The following PLXNB2 variants were observed in gnomAD, a reference collection of about 807,000 sequenced individuals.
The protein encoded by PLXNB2 is plexin B2, also known as plexin-B2.
In PLXNB2, 85 loss-of-function variants were observed where a neutral mutation model predicts 202.6. The observed-to-expected ratio is 0.42, with a 90% CI of 0.35 to 0.50. The LOEUF (loss-of-function observed/expected upper bound fraction) is 0.50. Ranked by LOEUF, PLXNB2 falls within the 20% of genes least tolerant of loss-of-function variation. The pLI is 0.02. For synonymous variants in PLXNB2, 1,239 were observed against 1,137.6 expected, an observed-to-expected ratio of 1.09 and a Z score of -1.79; for missense variants, 2,063 against 2,586.2, an observed-to-expected ratio of 0.80 and a Z score of 4.39.
chr22:50,286,379 G>T, intron 8 of PLXNB2, 92 bp from the exon 9 acceptor site: 1 of 867,606 alleles, frequency 1.2e-6, no homozygotes, highest in Non-Finnish European at 1.9e-6. Flanking sequence ...TGGGGCCAAG[G>T]TGGAGACCCC....
At chr22:50,279,896 G>T in intron 26 of PLXNB2, 109 bp downstream of exon 26, 3 of 1,417,164 alleles carry the variant, frequency 2.1e-6, no homozygotes, top group Non-Finnish European at 2.9e-6. Flanking sequence ...AAGCAAACCT[G>T]TCCAGGCAGG....
intron 2 of PLXNB2, 84 bp downstream of exon 2, chr22:50,294,624 GCCTTGCAGACA>G (rs2067128668): frequency 2.5e-6 from 1 of 396,628 alleles, no homozygotes; most frequent in African/African-American, 2.2e-5. Context: ...GCTGGACAGA[GCCTTGCAGACA>G]CCACATGGCA....
intron 1 of PLXNB2, among the ~76,000 whole-genome samples, chr22:50,296,944 G>C (rs2067320534): frequency 6.6e-6 from 1 of 152,230 alleles, no homozygotes; most frequent in Non-Finnish European, 1.5e-5. Flanking sequence ...TGCTGCACAG[G>C]TAAGGGTTAA....
chr22:50,300,572 A>G (rs983077248), intron 1 of PLXNB2, among the ~76,000 whole-genome samples: 5 of 151,830 alleles, frequency 3.3e-5, no homozygotes, highest in South Asian at 2.1e-4. Flanking sequence ...GCGGGGCTCC[A>G]GGGACAGACT....
Position 50,284,607 on chromosome 22 carries a change from T to C in PLXNB2, c.2147A>G (p.Gln716Arg), listed in dbSNP as rs1176769334. The C allele has an allele frequency of 1.9e-6, 3 of 1,608,106 alleles. No homozygotes were observed. Among genetic ancestry groups the C allele is most frequent in the African/African-American group, 1.3e-5 (1 of 74,544 alleles). Residue 716 changes from glutamine (Q) to arginine (R), a missense_variant, in exon 12 of 37, where the codon CAG (glutamine) becomes CGG (arginine). Physicochemically the swap from Gln to Arg is conservative, Grantham distance 43. This residue lies in a region of PLXNB2 where 1,303 missense variants were observed against 1,476.8 expected (regional missense o/e 0.88). Transcript: ENST00000359337. The surrounding 1 kb of genome is among the most constrained non-coding windows in gnomAD (Gnocchi z 8.0). ...LLKFMEPVTM[Q>R]ESGTFAFRTP... Reference sequence around the variant, plus strand: ...CCGAAAGGCGAAGGTCCCAGATTCCTGCATGGTCACCGGCTCCATGAACTT... The same window carrying C: ...CCGAAAGGCGAAGGTCCCAGATTCCCGCATGGTCACCGGCTCCATGAACTT...
intron 1 of PLXNB2, among the ~76,000 whole-genome samples, chr22:50,299,426 G>C (rs989882077): frequency 2.6e-5 from 4 of 152,206 alleles, no homozygotes; most frequent in African/African-American, 9.7e-5. Flanking sequence ...AGGCGTCACA[G>C]AAAAGCCACG....
intron 2 of PLXNB2, among the ~76,000 whole-genome samples, chr22:50,292,337 C>CAAAAAA (rs533891085): frequency 2.8e-5 from 2 of 71,024 alleles, no homozygotes; most frequent in Non-Finnish European, 5.4e-5. Context: ...GACTCTGTCT[C>CAAAAAA]AAAAAAAAAA....
intron 17 of PLXNB2, 39 bp from the exon 18 acceptor site, chr22:50,282,920 C>T (rs1164141249): frequency 6.4e-7 from 1 of 1,574,660 alleles, no homozygotes; most frequent in Non-Finnish European, 8.6e-7. Context: ...CAACCCCTCC[C>T]CCGGGACCAG....
intron 33 of PLXNB2, 144 bp from the exon 34 acceptor site, chr22:50,277,050 T>TG (rs1414806713): frequency 1.5e-6 from 1 of 647,380 alleles, no homozygotes; most frequent in East Asian, 2.7e-5. Flanking sequence ...CTCAGGCCTG[T>TG]AATCCTAGCA....
chr22:50,286,348 G>A, intron 8 of PLXNB2, 61 bp from the exon 9 acceptor site: 2 of 1,248,798 alleles, frequency 1.6e-6, no homozygotes, highest in East Asian at 2.3e-5. Context: ...GCCAGGCTGG[G>A]CCTCCCCTGG....
At position 50,284,993 on chromosome 22, in the gene PLXNB2, C is replaced by T. The variant is rs1179106509; in HGVS notation, c.2089-328G>A. The T allele has an allele frequency of 4.3e-6, 2 of 470,120 alleles. No individual in the cohort carries two copies. Among genetic ancestry groups the T allele is most frequent in the Non-Finnish European group, 8.5e-6 (2 of 235,436 alleles). The allele number at this position is 470,120 out of a possible 1,614,324, so 29.1% of individuals were successfully genotyped here. The stretch of plus-strand genomic sequence containing the variant: ...GGAGGTGGCACTGGCCCCTCAATCT[C>T]CACACGCCTGCCTCCTCCACTGCCT... On this transcript the variant is annotated intron_variant, in intron 11 of 36. Transcript: ENST00000359337. The surrounding 1 kb of genome is among the most constrained non-coding windows in gnomAD (Gnocchi z 8.0).
chr22:50,300,683 C>A (rs2067633656), intron 1 of PLXNB2, among the ~76,000 whole-genome samples: 2 of 152,234 alleles, frequency 1.3e-5, no homozygotes, highest in Non-Finnish European at 2.9e-5. Context: ...CCCTTCCCCG[C>A]CAGCCTGGTT....
chr22:50,282,352 G>A (rs2066058198), intron 18 of PLXNB2, 39 bp from the exon 19 acceptor site: 1 of 1,564,612 alleles, frequency 6.4e-7, no homozygotes, highest in African/African-American at 1.4e-5. Flanking sequence ...GGCTGGCAGG[G>A]GTGGTCCCTG....
At chr22:50,295,963 G>A (rs62241209) in intron 1 of PLXNB2, among the ~76,000 whole-genome samples, 19,309 of 152,064 alleles carry the variant, frequency 0.13, 1,623 homozygotes, top group Middle Eastern at 0.21. Flanking sequence ...TTAGCCGGGC[G>A]TAGTGGTGCG....
At position 50,288,588 on chromosome 22, in the gene PLXNB2, G is replaced by C. The variant is rs868694611; in HGVS notation, c.1380+155C>G. On this transcript the variant is annotated intron_variant, in intron 5 of 36. Transcript: ENST00000359337. The surrounding 1 kb of genome is among the most constrained non-coding windows in gnomAD (Gnocchi z 5.0). The stretch of plus-strand genomic sequence containing the variant: ...GACACAGGATGGAGGCACTGCCCGG[G>C]ACCCACCCAGCCACCCCTCATCCAG... Among the ~76,000 whole-genome samples the C allele has an allele frequency of 2.6e-5, 4 of 152,108 alleles. No individual in the cohort carries two copies. Among genetic ancestry groups the C allele is most frequent in the African/African-American group, 4.8e-5 (2 of 41,414 alleles).
At chr22:50,303,156 G>C (rs953747041) in intron 1 of PLXNB2, among the ~76,000 whole-genome samples, 6 of 151,766 alleles carry the variant, frequency 4.0e-5, no homozygotes, top group African/African-American at 1.5e-4. Context: ...CCTGTCCTCA[G>C]AGCCCCAGAA....
At position 50,276,717 on chromosome 22, in the gene PLXNB2, G is replaced by C. The variant is rs531599291; in HGVS notation, c.5262-13C>G. On this transcript the variant is annotated splice_polypyrimidine_tract_variant and intron_variant, in intron 34 of 36. Coordinates refer to ENST00000359337, the MANE Select transcript of PLXNB2 (RefSeq NM_012401.4). ...CCCCTTGTAGTAACTGCAGGGGTGG[G>C]AGCATCATACAGTGTGGGCGGCAGG... The C allele has an allele frequency of 6.2e-7, 1 of 1,612,466 alleles. No individual in the cohort carries two copies. The highest frequency in any genetic ancestry group is 1.7e-5 in the Admixed American group (1 of 60,002).
chr22:50,277,859 G>A lies in PLXNB2; in HGVS notation c.5042C>T (p.Thr1681Met), dbSNP rs867242805. 5.6e-6 allele frequency: 9 copies of A among 1,612,728 alleles called. No homozygotes were observed. The Admixed American group carries it at 6.7e-5, about 12-fold the overall frequency. Reference sequence around the variant, plus strand: ...GGTGGGTGTGGAGCCTCACCTGTTCGTCTTCCAGATGTGGATGGTGTCTTC... The same window carrying A: ...GGTGGGTGTGGAGCCTCACCTGTTCATCTTCCAGATGTGGATGGTGTCTTC... Reference protein sequence around the residue: ...QDEDTIHIWKTNSLPLRFWVN... With the variant: ...QDEDTIHIWKMNSLPLRFWVN... Residue 1681 changes from threonine to methionine, a missense_variant, in exon 32 of 37, where the codon ACG (threonine) becomes ATG (methionine). Thr to Met is a moderately conservative substitution (Grantham distance 81). Around this residue, in one of 2 missense-constraint regions of PLXNB2, gnomAD observed 760 missense variants for 1,109.4 expected, o/e 0.69. Transcript: ENST00000359337.
Position 50,301,969 on chromosome 22 carries a change from C to A in PLXNB2, c.-74+5584G>T, listed in dbSNP as rs553648064. ...GAAAAGCCCTGCCAACAGGGTCTCA[C>A]CCCAACACCCAGAACTCGTCCCCAG... is the stretch of plus-strand genomic sequence containing the variant. On this transcript the variant is annotated intron_variant, in intron 1 of 36. Coordinates refer to ENST00000359337, the MANE Select transcript of PLXNB2 (RefSeq NM_012401.4). 2.2e-3 allele frequency among the ~76,000 whole-genome samples: 335 copies of A among 152,372 alleles called. 2 individuals are homozygous for A. Among genetic ancestry groups the A allele is most frequent in the African/African-American group, 7.3e-3 (303 of 41,590 alleles).
Sources: gnomAD v4.1 joint callset for allele counts (sites outside exome capture counted in the v4.1 genomes callset) on GRCh38, gnomAD v4.1.1 for gene constraint, gnomAD v4.1.1 regional missense constraint, Gnocchi (gnomAD v3.1) non-coding constraint, MANE v1.5 for transcripts, NCBI Gene and HGNC (gene_info 2026-07-23, HGNC 2026-07-21) for gene names.